Variants in RBM14 observed in about 807,000 individuals in gnomAD.
RBM14 encodes the protein RNA binding motif protein 14.
A neutral mutation model predicts 52.8 loss-of-function variants in RBM14; 5 were observed. The ratio of observed to expected loss-of-function variants is 0.09; its 90% CI spans 0.05 to 0.20. RBM14 has a LOEUF of 0.20. Among genes scored for constraint, RBM14 ranks in the 10% least tolerant of loss-of-function variants. The pLI, the probability that RBM14 is intolerant of heterozygous loss-of-function variation, is 1.00. For missense variants in RBM14, 780 were observed against 926.6 expected, an observed-to-expected ratio of 0.84 and a Z score of 2.05; for synonymous variants, 411 against 401.8, an observed-to-expected ratio of 1.02 and a Z score of -0.28.
chr11:66,624,100 A>C lies in RBM14; in HGVS notation c.338-114A>C. ...CATACTCCTGGAGAGGAGGGTTTGG[A>C]GGCCTTGGAGGTAGCTGGCAACAGC... On this transcript the variant is annotated intron_variant, in intron 1 of 2. Coordinates refer to ENST00000310137, the MANE Select transcript of RBM14 (RefSeq NM_006328.4). This position sits in a 1 kb window ranked among gnomAD's most constrained non-coding sequence, Gnocchi z 4.7. The C allele has an allele frequency of 1.3e-6, 2 of 1,522,848 alleles. No individual in the cohort carries two copies. The highest frequency in any genetic ancestry group is 1.8e-6 in the Non-Finnish European group (2 of 1,126,140). The allele number at this position is 1,522,848 out of a possible 1,614,324, so 94.3% of individuals were successfully genotyped here.
chr11:66,618,008 C>A (rs1487015198), intron 1 of RBM14, among the ~76,000 whole-genome samples: 1 of 152,218 alleles, frequency 6.6e-6, no homozygotes, highest in Non-Finnish European at 1.5e-5. Flanking sequence ...TAGTCTGATT[C>A]TCAGGGCAGA....
rs1026153547 is a variant in RBM14 at position 66,628,663 on chromosome 11, C to G, written c.*1995C>G. 1.3e-5 allele frequency among the ~76,000 whole-genome samples: 2 copies of G among 152,046 alleles called. No homozygotes were observed. The highest frequency in any genetic ancestry group is 2.9e-5 in the Non-Finnish European group (2 of 68,016). On this transcript the variant is annotated 3_prime_UTR_variant, in exon 3 of 3. Coordinates refer to ENST00000310137, the MANE Select transcript of RBM14 (RefSeq NM_006328.4). ...ATGGGAGGAGGATTTTGATAAGTTTCTTGTTCTCTGCGTGGTGATGGGGTG... is the reference window on the plus strand; with the variant it reads ...ATGGGAGGAGGATTTTGATAAGTTTGTTGTTCTCTGCGTGGTGATGGGGTG...
rs1318375261 is a variant in RBM14 at position 66,628,987 on chromosome 11, C to T, written c.*2319C>T. On this transcript the variant is annotated 3_prime_UTR_variant, in exon 3 of 3. Coordinates refer to ENST00000310137, the MANE Select transcript of RBM14 (RefSeq NM_006328.4). ...GCTTGTCATCTTTAGGTCCTGCTGC[C>T]CCTGCTGCCTCAGCCCTCAGGCTCC... Among the ~76,000 whole-genome samples the T allele has an allele frequency of 6.6e-6, 1 of 152,178 alleles. No homozygotes were observed. Among genetic ancestry groups the T allele is most frequent in the Non-Finnish European group, 1.5e-5 (1 of 68,034 alleles).
In RBM14 at chr11:66,627,719, G is replaced by C. The variant is rs1324746021; in HGVS notation, c.*1051G>C. 6.6e-6 allele frequency among the ~76,000 whole-genome samples: 1 copy of C among 152,232 alleles called. No individual in the cohort carries two copies. The highest frequency in any genetic ancestry group is 1.5e-5 in the Non-Finnish European group (1 of 68,040). ...GTTCTGGGGTTTGGCCTCTTAGGAA[G>C]TGGGGAATGGGCTGCTGTGGTATTT... On this transcript the variant is annotated 3_prime_UTR_variant, in exon 3 of 3. Coordinates refer to ENST00000310137, the MANE Select transcript of RBM14 (RefSeq NM_006328.4).
chr11:66,625,289 G>T lies in RBM14; in HGVS notation c.1413G>T (p.Leu471=). 1 of 1,612,404 alleles carries T rather than the reference G, an allele frequency of 6.2e-7. No individual in the cohort carries two copies. The highest frequency in any genetic ancestry group is 8.5e-7 in the Non-Finnish European group (1 of 1,179,542). Residue 471 remains leucine (L), a synonymous_variant, in exon 2 of 3, where the codon CTG becomes CTT. Coordinates refer to ENST00000310137, the MANE Select transcript of RBM14 (RefSeq NM_006328.4). The surrounding 1 kb of genome is among the most constrained non-coding windows in gnomAD (Gnocchi z 4.2). The stretch of plus-strand genomic sequence containing the variant: ...CCCAGCCGGTTGTGCAGACCCAGCT[G>T]AATAGTTACGGGGCCCAAGCATCAA... The part of the protein sequence containing the change: ...YGAQPVVQTQ[L]NSYGAQASMG...
intron 1 of RBM14, among the ~76,000 whole-genome samples, chr11:66,622,234 C>CTTT (rs377533228): frequency 7.1e-6 from 1 of 140,530 alleles, no homozygotes. Context: ...TTCTTTTTTT[C>CTTT]TTTTTTTTTT....
Position 66,624,179 on chromosome 11 carries a change from C to G in RBM14, c.338-35C>G, listed in dbSNP as rs376315702. 1.3e-6 allele frequency: 2 copies of G among 1,546,298 alleles called. No individual in the cohort carries two copies. The highest frequency in any genetic ancestry group is 1.7e-6 in the Non-Finnish European group (2 of 1,144,040). ...CCCATCAGGTAGCATGCCCTGCCCCCCTAATTGCTAACCCTCTGTCTGCTG... is the reference window on the plus strand; with the variant it reads ...CCCATCAGGTAGCATGCCCTGCCCCGCTAATTGCTAACCCTCTGTCTGCTG... On this transcript the variant is annotated intron_variant, in intron 1 of 2. Transcript: ENST00000310137. This position sits in a 1 kb window ranked among gnomAD's most constrained non-coding sequence, Gnocchi z 4.7.
chr11:66,620,640 T>G (rs1859063832), intron 1 of RBM14, among the ~76,000 whole-genome samples: 1 of 152,204 alleles, frequency 6.6e-6, no homozygotes, highest in Non-Finnish European at 1.5e-5. Flanking sequence ...AAAACTCATT[T>G]GGGTAGTCAT....
rs1032446923 is a variant in RBM14 at position 66,629,636 on chromosome 11, T to C, written c.*2968T>C. Among the ~76,000 whole-genome samples, 16 of 152,182 alleles carry C rather than the reference T, an allele frequency of 1.1e-4. No homozygotes were observed. Among genetic ancestry groups the C allele is most frequent in the African/African-American group, 3.9e-4 (16 of 41,448 alleles). ...ATTTACTGGATTTATGGACCTAGTATATACTATGTAACAGATGGAAAACTG... is the reference window on the plus strand; with the variant it reads ...ATTTACTGGATTTATGGACCTAGTACATACTATGTAACAGATGGAAAACTG... On this transcript the variant is annotated 3_prime_UTR_variant, in exon 3 of 3. Transcript: ENST00000310137.
At position 66,626,982 on chromosome 11, in the gene RBM14, C is replaced by T. The variant is rs139793938; in HGVS notation, c.*314C>T. 271 of 249,390 alleles carry T rather than the reference C, an allele frequency of 1.1e-3. No individual in the cohort carries two copies. Among genetic ancestry groups the T allele is most frequent in the Middle Eastern group, 0.01 (8 of 762 alleles). 15.4% of individuals were successfully genotyped at this position (249,390 alleles called of 1,614,324 possible). On this transcript the variant is annotated 3_prime_UTR_variant, in exon 3 of 3. Coordinates refer to ENST00000310137, the MANE Select transcript of RBM14 (RefSeq NM_006328.4). ...TTCCTGGCTCCCTTTTATTTTTGTGCGCGATATTTAAGGTCGTCTGGATGG... is the reference window on the plus strand; with the variant it reads ...TTCCTGGCTCCCTTTTATTTTTGTGTGCGATATTTAAGGTCGTCTGGATGG...
chr11:66,623,692 G>C (rs1168775789), intron 1 of RBM14, among the ~76,000 whole-genome samples: 1 of 152,208 alleles, frequency 6.6e-6, no homozygotes, highest in Non-Finnish European at 1.5e-5. Flanking sequence ...CTGCTTGCTT[G>C]TTGCAGTCTA....
rs1303657200 is a variant in RBM14, at chr11:66,624,778, C to T, written c.902C>T (p.Ser301Leu). ...AGCTCCCAGTCTGCTGCAGCTTCTT[C>T]ACTCGGCCCATATGGTGGAGCCCAG... ...SPSSQSAAAS[S>L]LGPYGGAQPS... is the part of the protein sequence containing the mutation. Residue 301 changes from serine to leucine, a missense_variant, in exon 2 of 3, where the codon TCA becomes TTA. By Grantham distance (145) the Ser-to-Leu change is moderately radical (BLOSUM62 -2). Around this residue, in one of 4 missense-constraint regions of RBM14, gnomAD observed 675 missense variants for 697.3 expected, o/e 0.97. Transcript: ENST00000310137. This position sits in a 1 kb window ranked among gnomAD's most constrained non-coding sequence, Gnocchi z 4.7. 4 of 1,614,032 alleles carry T rather than the reference C, an allele frequency of 2.5e-6. No homozygotes were observed. Among genetic ancestry groups the T allele is most frequent in the Non-Finnish European group, 3.4e-6 (4 of 1,180,004 alleles).
At position 66,626,464 on chromosome 11, in the gene RBM14, T is replaced by C. The variant is rs982272787; in HGVS notation, c.1806T>C (p.Tyr602=). ...YKKAVAMSKR[Y]GSDRRLAELS... ...ACTGTCTTCTTCTCTCGACTAGGTA[T>C]GGTTCCGACCGGCGTTTAGCCGAGC... The change falls in exon 3 of 3, where the codon TAT becomes TAC. Residue 602 remains tyrosine, a synonymous_variant. Transcript: ENST00000310137. 2.3e-5 allele frequency: 37 copies of C among 1,612,308 alleles called. No homozygotes were observed. The East Asian group carries it at 8.2e-4, about 36-fold the overall frequency.
rs1937933055 is a variant in RBM14 at position 66,628,939 on chromosome 11, C to T, written c.*2271C>T. Among the ~76,000 whole-genome samples the T allele has an allele frequency of 6.6e-6, 1 of 152,160 alleles. No individual in the cohort carries two copies. The highest frequency in any genetic ancestry group is 2.1e-4 in the South Asian group (1 of 4,826). The stretch of plus-strand genomic sequence containing the variant: ...TTGCAGCCCCAGCTCTTGAAAGTGA[C>T]CTGGCCCAGATGAGCTCTGCCTGCT... On this transcript the variant is annotated 3_prime_UTR_variant, in exon 3 of 3. Transcript: ENST00000310137.
At chr11:66,617,696 G>A (rs1858903057) in intron 1 of RBM14, 1 of 417,968 alleles carries the variant, frequency 2.4e-6, no homozygotes, top group Non-Finnish European at 3.2e-6. Context: ...GTTAGGCGTG[G>A]CAGCTCTGTG....
In RBM14 at chr11:66,629,453, CTG is replaced by C. The variant is rs1937958482; in HGVS notation, c.*2786_*2787del. Among the ~76,000 whole-genome samples, 1 of 152,166 alleles carries C rather than the reference CTG, an allele frequency of 6.6e-6. No individual in the cohort carries two copies. The highest frequency in any genetic ancestry group is 1.5e-5 in the Non-Finnish European group (1 of 68,038). On this transcript the variant is annotated 3_prime_UTR_variant, in exon 3 of 3. Transcript: ENST00000310137. ...TGTAATGGAGGTAATGGGACTATCA[CTG>C]AGGGGTTCAGCCTATCCAGGTAGGC...
chr11:66,619,788 G>C (rs925890860), intron 1 of RBM14, among the ~76,000 whole-genome samples: 3 of 152,052 alleles, frequency 2.0e-5, no homozygotes, highest in Non-Finnish European at 2.9e-5. Flanking sequence ...GGATGGTCTC[G>C]ATCTCCTGAC....
chr11:66,628,033 T>C lies in RBM14; in HGVS notation c.*1365T>C, dbSNP rs1937894341. Among the ~76,000 whole-genome samples, 1 of 152,094 alleles carries C rather than the reference T, an allele frequency of 6.6e-6. No homozygotes were observed. Among genetic ancestry groups the C allele is most frequent in the Non-Finnish European group, 1.5e-5 (1 of 68,026 alleles). ...CCCTATCTGTTAGGGTTTTCAGATGTCCTCTCGCTGGGTTTATATTTGAAG... is the reference window on the plus strand; with the variant it reads ...CCCTATCTGTTAGGGTTTTCAGATGCCCTCTCGCTGGGTTTATATTTGAAG... On this transcript the variant is annotated 3_prime_UTR_variant, in exon 3 of 3. Coordinates refer to ENST00000310137, the MANE Select transcript of RBM14 (RefSeq NM_006328.4).
rs974025344 is a variant in RBM14 at position 66,628,199 on chromosome 11, A to G, written c.*1531A>G. The stretch of plus-strand genomic sequence containing the variant: ...GGCAAAAAATATGACATTTCCAACC[A>G]GGGACAAAATGGAGGCTTGGGCTTA... On this transcript the variant is annotated 3_prime_UTR_variant, in exon 3 of 3. Transcript: ENST00000310137. Among the ~76,000 whole-genome samples, 8 of 152,136 alleles carry G rather than the reference A, an allele frequency of 5.3e-5. No homozygotes were observed. The highest frequency in any genetic ancestry group is 8.8e-5 in the Non-Finnish European group (6 of 68,012).
Sources: gnomAD v4.1 joint callset for allele counts (sites outside exome capture counted in the v4.1 genomes callset) on GRCh38, gnomAD v4.1.1 for gene constraint, gnomAD v4.1.1 regional missense constraint, Gnocchi (gnomAD v3.1) non-coding constraint, MANE v1.5 for transcripts, NCBI Gene and HGNC (gene_info 2026-07-23, HGNC 2026-07-21) for gene names.